Variants in SLC38A2 observed in about 807,000 individuals in gnomAD.
SLC38A2 encodes sodium-coupled neutral amino acid symporter 2.
In SLC38A2, 11 loss-of-function variants were observed where a neutral mutation model predicts 61.5. The observed-to-expected ratio is 0.18, with a 90% CI of 0.11 to 0.30. The LOEUF is 0.30. Among genes scored for constraint, SLC38A2 ranks in the 10% least tolerant of loss-of-function variants. The pLI is 1.00. For missense variants in SLC38A2, 522 were observed against 600.4 expected (o/e 0.87, Z 1.36); for synonymous variants, 217 against 212.5 (o/e 1.02, Z -0.18).
At chr12:46,363,239 A>C in intron 12 of SLC38A2, 94 bp from the exon 13 acceptor site, 7 of 1,343,414 alleles carry the variant, frequency 5.2e-6, no homozygotes, top group Non-Finnish European at 7.3e-6. Flanking sequence ...TTATTTAGCT[A>C]CTCACAAAAC....
chr12:46,367,257 G>A lies in SLC38A2; in HGVS notation c.388+10C>T. ...ACATTGTTTTAGAAAAATCAAGAAT[G>A]CTATCATACCTCCTTCATTGGCAGT... On this transcript the variant is annotated intron_variant, in intron 5 of 15. Transcript: ENST00000256689. 1 of 1,586,766 alleles carries A rather than the reference G, an allele frequency of 6.3e-7. No homozygotes were observed. Among genetic ancestry groups the A allele is most frequent in the Non-Finnish European group, 8.7e-7 (1 of 1,155,746 alleles).
Position 46,360,915 on chromosome 12 carries a change from T to C in SLC38A2, c.*196A>G, listed in dbSNP as rs1006103048. ...TCGTGGTTTTGTTGTTCATATCCAT[T>C]TCTAACATACAGATAAGTTTCTTAA... On this transcript the variant is annotated 3_prime_UTR_variant, in exon 16 of 16. Coordinates refer to ENST00000256689, the MANE Select transcript of SLC38A2 (RefSeq NM_018976.5). 9.5e-6 allele frequency: 5 copies of C among 528,648 alleles called. No individual in the cohort carries two copies. Among genetic ancestry groups the C allele is most frequent in the African/African-American group, 7.8e-5 (4 of 51,552 alleles). The allele number at this position is 528,648 out of a possible 1,614,324, so 32.7% of individuals were successfully genotyped here.
At chr12:46,362,239 TTTATG>T in intron 15 of SLC38A2, 40 bp downstream of exon 15, 1 of 1,426,074 alleles carries the variant, frequency 7.0e-7, no homozygotes, top group Non-Finnish European at 9.5e-7. Flanking sequence ...GTTGGGGAAA[TTTATG>T]ATATTATTAC....
At chr12:46,370,678 A>G (rs1326192174) in intron 3 of SLC38A2, 51 bp from the exon 4 acceptor site, 1 of 1,566,708 alleles carries the variant, frequency 6.4e-7, no homozygotes, top group Non-Finnish European at 8.8e-7. Context: ...TTAAATGGAG[A>G]AAACCAGCTT....
Position 46,362,264 on chromosome 12 carries a change from G to A in SLC38A2, c.1422+20C>T. On this transcript the variant is annotated intron_variant, in intron 15 of 15. Coordinates refer to ENST00000256689, the MANE Select transcript of SLC38A2 (RefSeq NM_018976.5). ...TTTATGATATTATTACTGTTTCTAT[G>A]GTTATAATCTTTCACTCACCCCAAT... 1 of 1,539,388 alleles carries A rather than the reference G, an allele frequency of 6.5e-7. No individual in the cohort carries two copies. The highest frequency in any genetic ancestry group is 8.9e-7 in the Non-Finnish European group (1 of 1,129,690).
chr12:46,364,058 C>T (rs1943112546), intron 10 of SLC38A2, 55 bp from the exon 11 acceptor site: 16 of 1,404,248 alleles, frequency 1.1e-5, no homozygotes, highest in Non-Finnish European at 1.5e-5. Flanking sequence ...CATGCTGTCA[C>T]ATTTCCGCAG....
chr12:46,363,891 T>G, intron 11 of SLC38A2, 33 bp downstream of exon 11: 1 of 1,595,888 alleles, frequency 6.3e-7, no homozygotes, highest in South Asian at 1.1e-5. Context: ...TGTCTAATAT[T>G]TTCTCAAATT....
At chr12:46,370,719 A>G (rs770182081) in intron 3 of SLC38A2, 57 bp downstream of exon 3, 5 of 1,540,780 alleles carry the variant, frequency 3.2e-6, no homozygotes, top group Non-Finnish European at 4.5e-6. Flanking sequence ...TCTAAAAGTA[A>G]AACTATTCTT....
intron 4 of SLC38A2, among the ~76,000 whole-genome samples, chr12:46,367,796 G>C (rs949537459): frequency 5.9e-5 from 9 of 152,106 alleles, no homozygotes. Context: ...ACTGAGACAC[G>C]TTCAGGAAAG....
At chr12:46,368,947 G>A (rs1210795391) in intron 4 of SLC38A2, among the ~76,000 whole-genome samples, 1 of 152,242 alleles carries the variant, frequency 6.6e-6, no homozygotes, top group East Asian at 1.9e-4. Context: ...GTGGTTTTTG[G>A]CCCATTTTCC....
chr12:46,371,110 G>A, intron 2 of SLC38A2, 68 bp downstream of exon 2: 3 of 1,270,970 alleles, frequency 2.4e-6, no homozygotes, highest in Non-Finnish European at 2.3e-6. Flanking sequence ...TGGAAGCAGA[G>A]TCCTAGGTAA....
Position 46,359,227 on chromosome 12 carries a change from C to T in SLC38A2, c.*1884G>A, listed in dbSNP as rs772566731. 17 of 152,518 alleles carry T rather than the reference C, an allele frequency of 1.1e-4. No individual in the cohort carries two copies. The highest frequency in any genetic ancestry group is 1.9e-4 in the African/African-American group (8 of 41,426). The allele number at this position is 152,518 out of a possible 1,614,324, so 9.4% of individuals were successfully genotyped here. On this transcript the variant is annotated 3_prime_UTR_variant, in exon 16 of 16. Coordinates refer to ENST00000256689, the MANE Select transcript of SLC38A2 (RefSeq NM_018976.5). ...TCAACTAGAGGTGAGGTTCTGCATT[C>T]GAATGGAGTGCCTAAAGCCCAATTA...
At chr12:46,370,444 TG>T in intron 4 of SLC38A2, 67 bp downstream of exon 4, 2 of 1,211,870 alleles carry the variant, frequency 1.7e-6, no homozygotes, top group Non-Finnish European at 2.4e-6. Context: ...ATTCAGTTTC[TG>T]GAGCCAAAAT....
At chr12:46,370,037 C>G (rs1943178391) in intron 4 of SLC38A2, among the ~76,000 whole-genome samples, 1 of 152,144 alleles carries the variant, frequency 6.6e-6, no homozygotes, top group South Asian at 2.1e-4. Flanking sequence ...ATGTTCCAGG[C>G]TGGGTAAATA....
chr12:46,363,912 T>G lies in SLC38A2; in HGVS notation c.953+12A>C, dbSNP rs777825630. On this transcript the variant is annotated intron_variant, in intron 11 of 15. Transcript: ENST00000256689. Reference sequence around the variant, plus strand: ...ATATTTTCTCAAATTTATGTAAAAATGAAATACTCACTCTTTCAGTTCTTC... The same window carrying G: ...ATATTTTCTCAAATTTATGTAAAAAGGAAATACTCACTCTTTCAGTTCTTC... The G allele has an allele frequency of 1.4e-5, 22 of 1,599,874 alleles. No homozygotes were observed. In the East Asian group the frequency reaches 4.5e-4, roughly 32 times the overall value.
chr12:46,363,947 A>C lies in SLC38A2; in HGVS notation c.930T>G (p.Leu310=). 1 of 1,612,270 alleles carries C rather than the reference A, an allele frequency of 6.2e-7. No individual in the cohort carries two copies. The highest frequency in any genetic ancestry group is 8.5e-7 in the Non-Finnish European group (1 of 1,179,024). The change falls in exon 11 of 16, where the codon CTT becomes CTG. Residue 310 remains leucine (L), a synonymous_variant. Transcript: ENST00000256689. ...IFSFVCHPAV[L]PIYEELKDRS... ...ACTCTTTCAGTTCTTCATAGATGGG[A>C]AGAACAGCAGGATGACAGACAAATG...
rs780702136 is a variant in SLC38A2 at position 46,364,609 on chromosome 12, T to TA, written c.705+34dup. On this transcript the variant is annotated intron_variant, in intron 9 of 15. Coordinates refer to ENST00000256689, the MANE Select transcript of SLC38A2 (RefSeq NM_018976.5). Reference sequence around the variant, plus strand: ...AAACTAAGTGACATGGCAGGGCTTATAAAAAATTTTTTCTAAAAAAAAAAT... The same window carrying TA: ...AAACTAAGTGACATGGCAGGGCTTATAAAAAAATTTTTTCTAAAAAAAAAAT... 8 of 1,594,954 alleles carry TA rather than the reference T, an allele frequency of 5.0e-6. No homozygotes were observed. In the Admixed American group the frequency reaches 1.1e-4, roughly 22 times the overall value.
chr12:46,364,961 C>T (rs1943124290), intron 8 of SLC38A2, 146 bp downstream of exon 8: 4 of 779,816 alleles, frequency 5.1e-6, no homozygotes, highest in Admixed American at 2.9e-5. Flanking sequence ...AATATTTTGG[C>T]TCCTAAATTT....
intron 4 of SLC38A2, among the ~76,000 whole-genome samples, chr12:46,367,744 A>G (rs1270340788): frequency 6.6e-6 from 1 of 152,176 alleles, no homozygotes; most frequent in Non-Finnish European, 1.5e-5. Flanking sequence ...TATTAGTAAT[A>G]TCCGCCACTA....
Sources: gnomAD v4.1 joint callset for allele counts (sites outside exome capture counted in the v4.1 genomes callset) on GRCh38, gnomAD v4.1.1 for gene constraint, MANE v1.5 for transcripts, NCBI Gene and HGNC (gene_info 2026-07-23, HGNC 2026-07-21) for gene names.